The following OLFM1 variants were observed in gnomAD, a reference collection of about 807,000 sequenced individuals.
The protein encoded by OLFM1 is olfactomedin 1.
Under a neutral mutation model 49.7 loss-of-function variants are expected in OLFM1, and 9 were observed. The observed-to-expected ratio is 0.18, with a 90% CI of 0.11 to 0.32. The LOEUF (loss-of-function observed/expected upper bound fraction) is 0.32. Ranked by LOEUF, OLFM1 falls within the 10% of genes least tolerant of loss-of-function variation. The pLI is 1.00. For missense variants in OLFM1, 369 were observed against 661.8 expected, an observed-to-expected ratio of 0.56 and a Z score of 4.85; for synonymous variants, 240 against 271.8, an observed-to-expected ratio of 0.88 and a Z score of 1.15.
At chr9:135,096,581 A>G (rs1830801532) in intron 3 of OLFM1, among the ~76,000 whole-genome samples, 1 of 152,202 alleles carries the variant, frequency 6.6e-6, no homozygotes, top group Non-Finnish European at 1.5e-5. Context: ...AGCCCCCGTC[A>G]GTGTGGTTTG....
At chr9:135,097,477 G>A (rs899507002) in intron 3 of OLFM1, among the ~76,000 whole-genome samples, 1 of 152,214 alleles carries the variant, frequency 6.6e-6, no homozygotes, top group African/African-American at 2.4e-5. Flanking sequence ...CTGGGAGGTA[G>A]CTCATCTTGG....
At chr9:135,076,938 C>G (rs540569254) in intron 1 of OLFM1, 1 of 1,550,636 alleles carries the variant, frequency 6.4e-7, no homozygotes, top group South Asian at 1.2e-5. Flanking sequence ...CCTGGCTCTG[C>G]CCAGGATGTG....
At chr9:135,104,605 C>T (rs548209724) in intron 4 of OLFM1, among the ~76,000 whole-genome samples, 1 of 152,128 alleles carries the variant, frequency 6.6e-6, no homozygotes, top group Non-Finnish European at 1.5e-5. Context: ...AGAACCACGG[C>T]GTGGAAAGTC....
chr9:135,088,078 T>C lies in OLFM1; in HGVS notation c.89T>C (p.Val30Ala). ...ATGTCCCAGACGCTGCCCTCGCTGG[T>C]GGGCCTCAACACCACCAAGCTCTCG... Reference protein sequence around the residue: ...NWMSQTLPSLVGLNTTKLSAA... With the variant: ...NWMSQTLPSLAGLNTTKLSAA... The change falls in exon 1 of 6, where the codon GTG becomes GCG. Residue 30 changes from valine (V) to alanine (A), a missense_variant. By Grantham distance (64) the Val-to-Ala change is moderately conservative (BLOSUM62 0). Coordinates refer to ENST00000371793, the MANE Select transcript of OLFM1 (RefSeq NM_001282611.2). This position sits in a 1 kb window ranked among gnomAD's most constrained non-coding sequence, Gnocchi z 4.8. 6.9e-7 allele frequency: 1 copy of C among 1,448,302 alleles called. No homozygotes were observed. The highest frequency in any genetic ancestry group is 1.4e-5 in the South Asian group (1 of 73,528). 89.7% of individuals were successfully genotyped at this position (1,448,302 alleles called of 1,614,324 possible).
intron 5 of OLFM1, among the ~76,000 whole-genome samples, chr9:135,114,575 G>A (rs1338036559): frequency 8.6e-5 from 13 of 152,024 alleles, no homozygotes. Flanking sequence ...ACCTCCCAAG[G>A]GGGTGAGTGT....
intron 2 of OLFM1, among the ~76,000 whole-genome samples, chr9:135,094,708 G>A (rs2119112485): frequency 6.6e-6 from 1 of 152,270 alleles, no homozygotes; most frequent in Admixed American, 6.5e-5. Context: ...CTTCTACTGA[G>A]GAGGCTTGGT....
At chr9:135,093,281 G>C (rs1019890437) in intron 2 of OLFM1, among the ~76,000 whole-genome samples, 3 of 152,222 alleles carry the variant, frequency 2.0e-5, no homozygotes, top group Non-Finnish European at 4.4e-5. Context: ...TGTGGCACGG[G>C]CTCCGTTCTC....
rs146402894 is a variant in OLFM1, at chr9:135,090,808, G to A, written c.300+464G>A. 2.0e-4 allele frequency among the ~76,000 whole-genome samples: 31 copies of A among 152,280 alleles called. No individual in the cohort carries two copies. In the East Asian group the frequency reaches 5.6e-3, roughly 28 times the overall value. On this transcript the variant is annotated intron_variant, in intron 2 of 5. Transcript: ENST00000371793. ...GAATGCATGGCCATTTGGATTTTAC[G>A]AGATGAGATCTTTTTTCTGCCCTTG... is the stretch of plus-strand genomic sequence containing the variant.
upstream of OLFM1, chr9:135,086,799 G>A: frequency 2.3e-6 from 1 of 442,452 alleles, no homozygotes; most frequent in South Asian, 1.6e-5. Context: ...CTGTGCCTGG[G>A]CGCCATGACT....
Position 135,098,947 on chromosome 9 carries a change from A to G in OLFM1, c.676+442A>G, listed in dbSNP as rs1391668454. Among the ~76,000 whole-genome samples, 1 of 152,232 alleles carries G rather than the reference A, an allele frequency of 6.6e-6. No individual in the cohort carries two copies. The highest frequency in any genetic ancestry group is 1.5e-5 in the Non-Finnish European group (1 of 68,046). ...AAAAAAGGGAACAAAATTCAATCAC[A>G]TCTCAGTAGAGCTGCCATTCACAGC... On this transcript the variant is annotated intron_variant, in intron 4 of 5. Transcript: ENST00000371793. This position sits in a 1 kb window ranked among gnomAD's most constrained non-coding sequence, Gnocchi z 5.6.
intron 1 of OLFM1, among the ~76,000 whole-genome samples, chr9:135,082,642 C>T (rs1378774511): frequency 1.3e-5 from 2 of 152,200 alleles, no homozygotes; most frequent in Non-Finnish European, 2.9e-5. Context: ...TATGCACACA[C>T]AGGTTTCCGT....
chr9:135,109,236 A>G (rs1317725509), intron 5 of OLFM1, among the ~76,000 whole-genome samples: 1 of 152,212 alleles, frequency 6.6e-6, no homozygotes, highest in Non-Finnish European at 1.5e-5. Flanking sequence ...CGTAGGGAGC[A>G]CTAGTCAAGT....
At chr9:135,089,404 C>T (rs536033522) in intron 1 of OLFM1, among the ~76,000 whole-genome samples, 23 of 152,320 alleles carry the variant, frequency 1.5e-4, no homozygotes, top group African/African-American at 4.8e-4. Flanking sequence ...CAGGAGTGCC[C>T]GCCCCGGTAC....
At position 135,098,655 on chromosome 9, in the gene OLFM1, G is replaced by A; in HGVS notation, c.676+150G>A. The A allele has an allele frequency of 1.5e-6, 1 of 681,588 alleles. No homozygotes were observed. The highest frequency in any genetic ancestry group is 2.5e-6 in the Non-Finnish European group (1 of 403,030). 42.2% of individuals were successfully genotyped at this position (681,588 alleles called of 1,614,324 possible). A position where few individuals can be genotyped will look rare whatever the true frequency, so the allele number is the denominator to read the frequency against. ...GCTCCTGGGCAGGTCTACCTTGAGA[G>A]ACAGCAAAGGAGGAGCGTAGGCCAC... On this transcript the variant is annotated intron_variant, in intron 4 of 5. Coordinates refer to ENST00000371793, the MANE Select transcript of OLFM1 (RefSeq NM_001282611.2). This position sits in a 1 kb window ranked among gnomAD's most constrained non-coding sequence, Gnocchi z 5.6.
upstream of OLFM1, among the ~76,000 whole-genome samples, chr9:135,083,335 G>A (rs527239273): frequency 2.0e-5 from 3 of 152,288 alleles, no homozygotes; most frequent in East Asian, 1.9e-4. Context: ...AGGCTGAGAC[G>A]ATATCCATGA....
chr9:135,094,249 C>A (rs569026858), intron 2 of OLFM1, among the ~76,000 whole-genome samples: 1 of 152,166 alleles, frequency 6.6e-6, no homozygotes, highest in Non-Finnish European at 1.5e-5. Flanking sequence ...CAGTGTCACT[C>A]CCCCCATGAG....
chr9:135,077,900 G>C (rs533794576), intron 1 of OLFM1, among the ~76,000 whole-genome samples: 2 of 152,246 alleles, frequency 1.3e-5, no homozygotes, highest in Admixed American at 1.3e-4. Context: ...GTCTCTGAAG[G>C]GGGCAGAGAG....
chr9:135,086,461 G>A (rs2119094750), upstream of OLFM1: 1 of 373,390 alleles, frequency 2.7e-6, no homozygotes, highest in South Asian at 2.0e-5. Flanking sequence ...CTCTCAGGCG[G>A]GCGCCAGGGA....
chr9:135,103,631 G>A (rs780055550), intron 4 of OLFM1, among the ~76,000 whole-genome samples: 3 of 152,256 alleles, frequency 2.0e-5, no homozygotes, highest in Non-Finnish European at 2.9e-5. Context: ...TGGGCCTGGG[G>A]CAGAGCCGCC....
Sources: allele counts gnomAD v4.1 joint callset (sites outside exome capture counted in the v4.1 genomes callset), GRCh38; gene constraint gnomAD v4.1.1; non-coding constraint Gnocchi (gnomAD v3.1); transcripts MANE v1.5; gene names NCBI Gene and HGNC (gene_info 2026-07-23, HGNC 2026-07-21).